GSDME: variants seen among roughly 807,000 people sequenced by gnomAD.
GSDME encodes the protein gasdermin-E.
A neutral mutation model predicts 47.5 loss-of-function variants in GSDME; 44 were observed. The observed-to-expected ratio is 0.93, with a 90% CI of 0.73 to 1.19. The LOEUF (loss-of-function observed/expected upper bound fraction) is 1.19. Ranked by LOEUF, GSDME falls within the 50% of genes most tolerant of loss-of-function variation. The pLI is 0.00. For missense variants in GSDME, 663 were observed against 604.2 expected, an observed-to-expected ratio of 1.10 and a Z score of -1.02; for synonymous variants, 258 against 252.8, an observed-to-expected ratio of 1.02 and a Z score of -0.20.
At chr7:24,753,239 C>A (rs552422182) in intron 1 of GSDME, among the ~76,000 whole-genome samples, 9 of 152,300 alleles carry the variant, frequency 5.9e-5, no homozygotes, top group African/African-American at 2.2e-4. Context: ...ATTGAGAAAT[C>A]CCATTCCTGC....
At chr7:24,748,839 C>T (rs1790764090) in intron 2 of GSDME, among the ~76,000 whole-genome samples, 1 of 152,148 alleles carries the variant, frequency 6.6e-6, no homozygotes, top group Admixed American at 6.5e-5. Context: ...CTCCTTATCC[C>T]CTTCTCTGTG....
intron 3 of GSDME, among the ~76,000 whole-genome samples, chr7:24,723,068 A>T (rs779546302): frequency 1.8e-4 from 28 of 152,204 alleles, no homozygotes; most frequent in Admixed American, 7.2e-4. Context: ...TGCAGGCATC[A>T]TCCACCTAGC....
chr7:24,761,876 G>A (rs1286397126), upstream of GSDME, among the ~76,000 whole-genome samples: 1 of 152,224 alleles, frequency 6.6e-6, no homozygotes, highest in African/African-American at 2.4e-5. This position sits in a 1 kb window ranked among gnomAD's most constrained non-coding sequence, Gnocchi z 4.4. Context: ...AAAGATAGGG[G>A]TGGTATATTC....
chr7:24,723,162 T>G (rs987608113), intron 3 of GSDME, among the ~76,000 whole-genome samples: 2 of 152,180 alleles, frequency 1.3e-5, no homozygotes, highest in African/African-American at 2.4e-5. Context: ...CTGGAAATAT[T>G]TAATCATCTT....
chr7:24,701,034 G>A (rs1259207420), intron 9 of GSDME, among the ~76,000 whole-genome samples: 1 of 152,214 alleles, frequency 6.6e-6, no homozygotes, highest in Non-Finnish European at 1.5e-5. Context: ...TCTTGGAAAT[G>A]TGTTAGTGTA....
Position 24,744,896 on chromosome 7 carries a change from G to T in GSDME, c.212-142C>A. 1.1e-6 allele frequency: 1 copy of T among 879,546 alleles called. No homozygotes were observed. The highest frequency in any genetic ancestry group is 1.8e-6 in the Non-Finnish European group (1 of 549,764). The allele number at this position is 879,546 out of a possible 1,614,324, so 54.5% of individuals were successfully genotyped here. ...GATGGAAAGCCGGCAGCCATGCTGT[G>T]TGTGTGGGCAAGAAAACAGGGCAGC... is the stretch of plus-strand genomic sequence containing the variant. On this transcript the variant is annotated intron_variant, in intron 2 of 9. Coordinates refer to ENST00000645220, the MANE Select transcript of GSDME (RefSeq NM_001127453.2). The surrounding 1 kb of genome is among the most constrained non-coding windows in gnomAD (Gnocchi z 4.5).
At chr7:24,727,937 G>A (rs1240251091) in intron 3 of GSDME, among the ~76,000 whole-genome samples, 1 of 152,192 alleles carries the variant, frequency 6.6e-6, no homozygotes, top group South Asian at 2.1e-4. Context: ...TCCTGTACCG[G>A]GAAGGCTGCA....
At chr7:24,781,023 C>A in the GSDME span, among the ~76,000 whole-genome samples, 2 of 152,226 alleles carry the variant, frequency 1.3e-5, no homozygotes, top group African/African-American at 2.4e-5. Flanking sequence ...CATCATGTTT[C>A]TTCAGCTCTT....
In GSDME at chr7:24,756,810, C is replaced by T. The variant is rs1275072202; in HGVS notation, c.-20+586G>A. On this transcript the variant is annotated intron_variant, in intron 1 of 9. Transcript: ENST00000645220. This position sits in a 1 kb window ranked among gnomAD's most constrained non-coding sequence, Gnocchi z 4.2. ...CGCGGGCAGCTCTTGAGAGCCATTCCAGCGCATGCCAGGCACACCGAGTGG... is the reference window on the plus strand; with the variant it reads ...CGCGGGCAGCTCTTGAGAGCCATTCTAGCGCATGCCAGGCACACCGAGTGG... Among the ~76,000 whole-genome samples, 1 of 152,194 alleles carries T rather than the reference C, an allele frequency of 6.6e-6. No individual in the cohort carries two copies. The highest frequency in any genetic ancestry group is 1.5e-5 in the Non-Finnish European group (1 of 68,046).
chr7:24,781,183 C>T, the GSDME span, among the ~76,000 whole-genome samples: 3 of 152,162 alleles, frequency 2.0e-5, no homozygotes, highest in African/African-American at 7.2e-5. Context: ...AGTGTGACCA[C>T]AGACAGGCAG....
At chr7:24,731,774 G>C (rs957117762) in intron 3 of GSDME, among the ~76,000 whole-genome samples, 1 of 152,222 alleles carries the variant, frequency 6.6e-6, no homozygotes, top group Admixed American at 6.5e-5. Flanking sequence ...ATTCTGGGTC[G>C]TGAAGGTAGG....
In GSDME at chr7:24,716,554, G is replaced by T. The variant is rs1357632991; in HGVS notation, c.697+700C>A. On this transcript the variant is annotated intron_variant, in intron 5 of 9. Transcript: ENST00000645220. This position sits in a 1 kb window ranked among gnomAD's most constrained non-coding sequence, Gnocchi z 4.5. ...CACAACCTCTTCTCATTGGGAACAT[G>T]AGGAGGGAAGGGGCTGTGAACACCT... 1.3e-5 allele frequency: 2 copies of T among 153,864 alleles called. No individual in the cohort carries two copies. Among genetic ancestry groups the T allele is most frequent in the African/African-American group, 4.8e-5 (2 of 41,452 alleles). 9.5% of individuals were successfully genotyped at this position (153,864 alleles called of 1,614,324 possible).
rs1179755507 is a variant in GSDME at position 24,716,143 on chromosome 7, C to T, written c.697+1111G>A. ...GGGAGAAGCAGGAGGCAGCAGCAGG[C>T]ATGTGCGTGGTCTATCACGGCCCTT... is the stretch of plus-strand genomic sequence containing the variant. On this transcript the variant is annotated intron_variant, in intron 5 of 9. Coordinates refer to ENST00000645220, the MANE Select transcript of GSDME (RefSeq NM_001127453.2). The surrounding 1 kb of genome is among the most constrained non-coding windows in gnomAD (Gnocchi z 4.5). Among the ~76,000 whole-genome samples the T allele has an allele frequency of 6.6e-6, 1 of 152,218 alleles. No homozygotes were observed. Among genetic ancestry groups the T allele is most frequent in the African/African-American group, 2.4e-5 (1 of 41,456 alleles).
Position 24,747,870 on chromosome 7 carries a change from G to A in GSDME, c.211+1694C>T, listed in dbSNP as rs576243851. Reference sequence around the variant, plus strand: ...TTTTTGTAGAGATGGGGTTTGCCACGTTGCCCAGGCTAGCCTCAAACTCCT... The same window carrying A: ...TTTTTGTAGAGATGGGGTTTGCCACATTGCCCAGGCTAGCCTCAAACTCCT... On this transcript the variant is annotated intron_variant, in intron 2 of 9. Coordinates refer to ENST00000645220, the MANE Select transcript of GSDME (RefSeq NM_001127453.2). 3.4e-4 allele frequency among the ~76,000 whole-genome samples: 52 copies of A among 151,822 alleles called. 1 individual carries two copies. The highest frequency in any genetic ancestry group is 3.4e-3 in the Middle Eastern group (1 of 294).
At chr7:24,769,950 T>C in the GSDME span, among the ~76,000 whole-genome samples, 1 of 152,238 alleles carries the variant, frequency 6.6e-6, no homozygotes, top group East Asian at 1.9e-4. Context: ...TGTCCCTGGT[T>C]CCTGGCACAG....
the GSDME span, among the ~76,000 whole-genome samples, chr7:24,772,363 G>A: frequency 6.6e-6 from 1 of 152,176 alleles, no homozygotes; most frequent in East Asian, 1.9e-4. This position sits in a 1 kb window ranked among gnomAD's most constrained non-coding sequence, Gnocchi z 4.5. Flanking sequence ...TATTCTCATA[G>A]CTTTCCTCAT....
At chr7:24,780,074 C>CTAA in the GSDME span, among the ~76,000 whole-genome samples, 1 of 152,238 alleles carries the variant, frequency 6.6e-6, no homozygotes, top group South Asian at 2.1e-4. This position sits in a 1 kb window ranked among gnomAD's most constrained non-coding sequence, Gnocchi z 4.1. Context: ...TAAAGTTCTG[C>CTAA]TAATAAGTAA....
At chr7:24,793,502 T>C in the GSDME span, among the ~76,000 whole-genome samples, 2 of 152,224 alleles carry the variant, frequency 1.3e-5, no homozygotes, top group South Asian at 2.1e-4. Flanking sequence ...ACTAAAAATA[T>C]ATTTTACTTT....
intron 2 of GSDME, among the ~76,000 whole-genome samples, chr7:24,747,396 T>C (rs1327235129): frequency 6.6e-6 from 1 of 152,210 alleles, no homozygotes; most frequent in Admixed American, 6.5e-5. Context: ...CTCTACCTCT[T>C]TTCCCCTTTA....
Sources: gnomAD v4.1 joint callset for allele counts (sites outside exome capture counted in the v4.1 genomes callset) on GRCh38, gnomAD v4.1.1 for gene constraint, Gnocchi (gnomAD v3.1) non-coding constraint, MANE v1.5 for transcripts, NCBI Gene and HGNC (gene_info 2026-07-23, HGNC 2026-07-21) for gene names.